SCLT1: variants seen among roughly 807,000 people sequenced by gnomAD.
SCLT1 encodes sodium channel-associated protein 1.
A neutral mutation model predicts 112.8 loss-of-function variants in SCLT1; 78 were observed. The ratio of observed to expected loss-of-function variants is 0.69; its 90% confidence interval spans 0.58 to 0.83. The LOEUF is 0.83. Among genes scored for constraint, SCLT1 ranks in the 40% least tolerant of loss-of-function variants. The pLI, the probability that SCLT1 is intolerant of heterozygous loss-of-function variation, is 0.00. For missense variants in SCLT1, 747 were observed against 770.4 expected (o/e 0.97, Z 0.36); for synonymous variants, 257 against 254.7 (o/e 1.01, Z -0.09).
chr4:129,091,381 A>C (rs72927912), intron 1 of SCLT1, among the ~76,000 whole-genome samples: 2,179 of 151,942 alleles, frequency 0.014, 48 homozygotes, highest in African/African-American at 0.044. Flanking sequence ...ACTCATTTTT[A>C]AAAAAATGTT....
chr4:129,085,272 A>G (rs1241400004), intron 1 of SCLT1, among the ~76,000 whole-genome samples: 1 of 152,258 alleles, frequency 6.6e-6, no homozygotes, highest in African/African-American at 2.4e-5. Context: ...AAAGCTCAAC[A>G]TCACTGATCA....
At chr4:129,004,545 TA>T (rs1743825205) in intron 5 of SCLT1, among the ~76,000 whole-genome samples, 1 of 152,098 alleles carries the variant, frequency 6.6e-6, no homozygotes. Context: ...ATGATTGTTT[TA>T]ATTTAAAATA....
At chr4:128,953,732 G>A (rs1738969890) in intron 13 of SCLT1, among the ~76,000 whole-genome samples, 1 of 150,392 alleles carries the variant, frequency 6.6e-6, no homozygotes, top group African/African-American at 2.4e-5. Context: ...CTGGGAGGCA[G>A]AGCTTGCAGT....
chr4:128,888,605 T>G, intron 20 of SCLT1, 74 bp downstream of exon 20: 1 of 774,434 alleles, frequency 1.3e-6, no homozygotes, highest in Non-Finnish European at 2.1e-6. Flanking sequence ...AATAAACTAT[T>G]AAGTTCCCTG....
chr4:128,907,577 G>A (rs1734784086), intron 18 of SCLT1, among the ~76,000 whole-genome samples: 1 of 152,066 alleles, frequency 6.6e-6, no homozygotes, highest in Admixed American at 6.6e-5. Flanking sequence ...TGAAATAATG[G>A]GTTCAATTTA....
At chr4:129,025,339 A>C (rs1745945355) in intron 5 of SCLT1, among the ~76,000 whole-genome samples, 1 of 152,248 alleles carries the variant, frequency 6.6e-6, no homozygotes, top group Non-Finnish European at 1.5e-5. Flanking sequence ...CATCAGACTA[A>C]CAGCGGATCT....
chr4:128,927,768 A>C (rs1260237096), intron 18 of SCLT1, among the ~76,000 whole-genome samples: 1 of 151,932 alleles, frequency 6.6e-6, no homozygotes, highest in Admixed American at 6.6e-5. Flanking sequence ...AGGGGTAACA[A>C]AGAGCAGAAA....
At chr4:128,917,191 C>T (rs982230518) in intron 18 of SCLT1, among the ~76,000 whole-genome samples, 6 of 150,370 alleles carry the variant, frequency 4.0e-5, no homozygotes, top group African/African-American at 1.5e-4. Context: ...CAGTGCTTCT[C>T]GAGTGGTCCT....
chr4:129,047,458 T>G (rs1386365751), intron 2 of SCLT1, among the ~76,000 whole-genome samples: 1 of 152,126 alleles, frequency 6.6e-6, no homozygotes, highest in Non-Finnish European at 1.5e-5. Context: ...AGTATCTGTT[T>G]CCAAGTGCAG....
chr4:128,895,868 A>C (rs1329398591), intron 18 of SCLT1, among the ~76,000 whole-genome samples: 1 of 152,236 alleles, frequency 6.6e-6, no homozygotes, highest in Non-Finnish European at 1.5e-5. Context: ...CAGTCTTAGC[A>C]AACGGCACAC....
intron 2 of SCLT1, among the ~76,000 whole-genome samples, chr4:129,056,251 C>A (rs1223900739): frequency 6.6e-6 from 1 of 152,196 alleles, no homozygotes; most frequent in East Asian, 1.9e-4. Context: ...CAATGTCTAT[C>A]TGCCAGTACT....
At position 129,025,875 on chromosome 4, in the gene SCLT1, A is replaced by T. The variant is rs1245921971; in HGVS notation, c.290+13166T>A. 1.3e-5 allele frequency among the ~76,000 whole-genome samples: 2 copies of T among 151,924 alleles called. 1 individual carries two copies. Among genetic ancestry groups the T allele is most frequent in the South Asian group, 4.2e-4 (2 of 4,814 alleles). ...GGAAGATCTACCAAGCAAATGGAAA[A>T]CAAAAAAAGGCAGGGCTTGCAATCC... On this transcript the variant is annotated intron_variant, in intron 5 of 20. Coordinates refer to ENST00000281142, the MANE Select transcript of SCLT1 (RefSeq NM_144643.4).
At chr4:128,975,538 A>G (rs548423332) in intron 9 of SCLT1, among the ~76,000 whole-genome samples, 1 of 152,270 alleles carries the variant, frequency 6.6e-6, no homozygotes, top group East Asian at 1.9e-4. Context: ...TTCTTCCTGC[A>G]CTGTCATACA....
intron 18 of SCLT1, among the ~76,000 whole-genome samples, chr4:128,932,697 A>AAT (rs1736869101): frequency 6.6e-6 from 1 of 152,260 alleles, no homozygotes; most frequent in South Asian, 2.1e-4. Flanking sequence ...GAAATGATCT[A>AAT]ATATATATAA....
chr4:128,985,408 C>T (rs568133157), intron 9 of SCLT1, among the ~76,000 whole-genome samples: 12 of 152,292 alleles, frequency 7.9e-5, no homozygotes, highest in African/African-American at 2.9e-4. Context: ...TTATTACACT[C>T]CACATTTTTA....
chr4:128,900,723 C>G (rs905584320), intron 18 of SCLT1, among the ~76,000 whole-genome samples: 1 of 152,090 alleles, frequency 6.6e-6, no homozygotes, highest in African/African-American at 2.4e-5. Context: ...AAGAAACTAC[C>G]CTCAGAGTGA....
chr4:129,025,000 A>T (rs1269005793), intron 5 of SCLT1, among the ~76,000 whole-genome samples: 2 of 152,194 alleles, frequency 1.3e-5, no homozygotes. Flanking sequence ...GTTTAGAGAA[A>T]AAAGAATAAA....
chr4:128,980,783 A>AT (rs950237274), intron 9 of SCLT1, among the ~76,000 whole-genome samples: 57 of 151,826 alleles, frequency 3.8e-4, no homozygotes, highest in Middle Eastern at 3.4e-3. Context: ...TATTAAAATG[A>AT]TTTTTTTTTC....
chr4:129,015,247 T>TG (rs1441302718), intron 5 of SCLT1, among the ~76,000 whole-genome samples: 4 of 152,000 alleles, frequency 2.6e-5, no homozygotes, highest in Non-Finnish European at 5.9e-5. Context: ...GGAGTTGCCA[T>TG]GGGTCCAGGG....
Sources: allele counts gnomAD v4.1 joint callset (sites outside exome capture counted in the v4.1 genomes callset), GRCh38; gene constraint gnomAD v4.1.1; transcripts MANE v1.5; gene names NCBI Gene and HGNC (gene_info 2026-07-23, HGNC 2026-07-21).